Variants in SPINK2 observed in about 807,000 individuals in gnomAD.
SPINK2 encodes the protein serine protease inhibitor Kazal-type 2.
In SPINK2, 8 loss-of-function variants were observed where a neutral mutation model predicts 13.5. The observed-to-expected ratio is 0.59, with a 90% CI of 0.35 to 1.07. The LOEUF (loss-of-function observed/expected upper bound fraction) is 1.07, where lower values mean the gene tolerates loss of function less well. Ranked by LOEUF, SPINK2 falls within the 50% of genes least tolerant of loss-of-function variation. SPINK2 has a pLI of 0.02. For synonymous variants in SPINK2, 76 were observed against 74.7 expected (o/e 1.02, Z -0.09); for missense variants, 148 against 180.3 (o/e 0.82, Z 1.03).
intron 2 of SPINK2, among the ~76,000 whole-genome samples, chr4:56,816,326 G>A (rs1360865428): frequency 6.6e-6 from 1 of 151,930 alleles, no homozygotes; most frequent in East Asian, 1.9e-4. Flanking sequence ...GCTGGGATCA[G>A]CCTGGCCAAC....
Position 56,810,008 on chromosome 4 carries a change from C to A in SPINK2, c.*131G>T. The A allele has an allele frequency of 6.6e-7, 1 of 1,520,144 alleles. No individual in the cohort carries two copies. The highest frequency in any genetic ancestry group is 8.8e-7 in the Non-Finnish European group (1 of 1,139,526). The allele number at this position is 1,520,144 out of a possible 1,614,324, so 94.2% of individuals were successfully genotyped here. On this transcript the variant is annotated 3_prime_UTR_variant, in exon 4 of 4. Coordinates refer to ENST00000506738, the MANE Select transcript of SPINK2 (RefSeq NM_001271718.2). ...CACTACACATGGCTGTCTTCCATAC[C>A]TGCTCTCAGAAAATGTGTGTTAACA...
At chr4:56,811,644 G>T in intron 3 of SPINK2, 41 bp downstream of exon 3, 11 of 1,267,452 alleles carry the variant, frequency 8.7e-6, no homozygotes, top group Non-Finnish European at 1.0e-5. Flanking sequence ...AAAAAGAAAT[G>T]AAGAAAACTT....
Position 56,811,755 on chromosome 4 carries a change from G to A in SPINK2, c.289C>T (p.His97Tyr), listed in dbSNP as rs1716996699. ...TCACTGCCACACACAGGGTTAAAGT[G>A]TCTGGGACATCCTGGTAATCTATAC... is the stretch of plus-strand genomic sequence containing the variant. ...SQYRLPGCPR[H>Y]FNPVCGSDMS... The change falls in exon 3 of 4, where the codon CAC (histidine) becomes TAC (tyrosine). Residue 97 changes from histidine (H) to tyrosine (Y), a missense_variant. Transcript: ENST00000506738. The A allele has an allele frequency of 1.2e-6, 2 of 1,611,350 alleles. No individual in the cohort carries two copies. Among genetic ancestry groups the A allele is most frequent in the Admixed American group, 3.3e-5 (2 of 59,862 alleles).
intron 1 of SPINK2, 62 bp from the exon 2 acceptor site, chr4:56,820,641 GTTT>G: frequency 1.8e-5 from 19 of 1,075,390 alleles, no homozygotes; most frequent in East Asian, 5.8e-5. Flanking sequence ...TGTTCATGAA[GTTT>G]TTTTTTTTTT....
chr4:56,814,068 C>T (rs1219303332), intron 2 of SPINK2, among the ~76,000 whole-genome samples: 5 of 151,818 alleles, frequency 3.3e-5, no homozygotes, highest in African/African-American at 9.7e-5. Context: ...GGATTAAAGG[C>T]ACCCACCACC....
intron 2 of SPINK2, among the ~76,000 whole-genome samples, chr4:56,815,799 A>ACAC (rs1408194070): frequency 2.1e-5 from 2 of 96,636 alleles, no homozygotes; most frequent in East Asian, 4.1e-4. Flanking sequence ...CACACACACA[A>ACAC]AACTATTATT....
In SPINK2 at chr4:56,816,478, C is replaced by A. The variant is rs1451507714; in HGVS notation, c.249+4058G>T. Among the ~76,000 whole-genome samples the A allele has an allele frequency of 5.9e-5, 9 of 151,824 alleles. No homozygotes were observed. In the East Asian group the frequency reaches 1.7e-3, roughly 29 times the overall value. ...ACCAGCCTGGCCAACCTGGTGAAAC[C>A]CCGTCTCTACTAAAAATAGAAAAAT... On this transcript the variant is annotated intron_variant, in intron 2 of 3. Transcript: ENST00000506738.
At chr4:56,812,481 G>A (rs1717072529) in intron 2 of SPINK2, among the ~76,000 whole-genome samples, 1 of 149,508 alleles carries the variant, frequency 6.7e-6, no homozygotes, top group South Asian at 2.1e-4. Context: ...AATGAACCTG[G>A]GAGGCAGAGG....
Position 56,821,643 on chromosome 4 carries a change from C to T in SPINK2, c.20G>A (p.Arg7His), listed in dbSNP as rs753527533. Reference sequence around the variant, plus strand: ...AACTGCCAGGAGCAGCAGCGCCAAGCGCAGCACCGACAGCGCCATCCTCCT... The same window carrying T: ...AACTGCCAGGAGCAGCAGCGCCAAGTGCAGCACCGACAGCGCCATCCTCCT... MALSVL[R>H]LALLLLAVTF... The change falls in exon 1 of 4, where the codon CGC (arginine) becomes CAC (histidine). Residue 7 changes from arginine to histidine, a missense_variant. By Grantham distance (29) the Arg-to-His change is conservative. Transcript: ENST00000506738. 3.9e-6 allele frequency: 6 copies of T among 1,544,448 alleles called. No individual in the cohort carries two copies. Among genetic ancestry groups the T allele is most frequent in the African/African-American group, 1.4e-5 (1 of 72,582 alleles).
intron 1 of SPINK2, 112 bp from the exon 2 acceptor site, chr4:56,820,691 G>T: frequency 1.2e-6 from 1 of 854,984 alleles, no homozygotes. Context: ...GGCTGGTCTT[G>T]ACCTCCCGGG....
intron 3 of SPINK2, 153 bp from the exon 4 acceptor site, chr4:56,810,337 A>G: frequency 1.4e-6 from 1 of 709,506 alleles, no homozygotes; most frequent in Non-Finnish European, 2.3e-6. Flanking sequence ...AATCTAGGAA[A>G]CAAAGAGGGT....
chr4:56,819,605 C>CT (rs1405353419), intron 2 of SPINK2, among the ~76,000 whole-genome samples: 2 of 119,858 alleles, frequency 1.7e-5, no homozygotes, highest in Non-Finnish European at 3.3e-5. Context: ...ATGGCTAGGA[C>CT]TTTTTTTTCT....
At chr4:56,817,768 C>T (rs1242561937) in intron 2 of SPINK2, among the ~76,000 whole-genome samples, 2 of 151,788 alleles carry the variant, frequency 1.3e-5, no homozygotes, top group Admixed American at 1.3e-4. Flanking sequence ...GCAGGAGAAT[C>T]GCTTGAACTC....
chr4:56,821,414 C>G, intron 1 of SPINK2, 44 bp downstream of exon 1: 1 of 1,467,808 alleles, frequency 6.8e-7, no homozygotes, highest in Non-Finnish European at 9.0e-7. Context: ...GGGTGGCTGA[C>G]TCCACAAAGC....
chr4:56,819,953 C>T (rs531261198), intron 2 of SPINK2, among the ~76,000 whole-genome samples: 5 of 152,210 alleles, frequency 3.3e-5, no homozygotes, highest in South Asian at 4.1e-4. Flanking sequence ...TGACAGCTTC[C>T]GTAATTTCTG....
chr4:56,813,775 G>A (rs956718453), intron 2 of SPINK2, among the ~76,000 whole-genome samples: 2 of 151,658 alleles, frequency 1.3e-5, no homozygotes, highest in African/African-American at 2.4e-5. Context: ...ATGCCACCAC[G>A]ACCAGCTAAA....
At chr4:56,821,271 C>A (rs1051935041) in intron 1 of SPINK2, 187 bp downstream of exon 1, 1 of 982,250 alleles carries the variant, frequency 1.0e-6, no homozygotes, top group Admixed American at 6.1e-5. Context: ...TCCTGCACAT[C>A]TCCTCCCTTG....
In SPINK2 at chr4:56,820,499, G is replaced by C. The variant is rs771164772; in HGVS notation, c.249+37C>G. The C allele has an allele frequency of 6.4e-6, 10 of 1,566,782 alleles. No individual in the cohort carries two copies. In the South Asian group the frequency reaches 1.1e-4, roughly 17 times the overall value. On this transcript the variant is annotated intron_variant, in intron 2 of 3. Coordinates refer to ENST00000506738, the MANE Select transcript of SPINK2 (RefSeq NM_001271718.2). ...CTCCCAAACGGTTTTGGGCTTCACTGTATTAGTAGAAACAGTAGAAGTGGT... is the reference window on the plus strand; with the variant it reads ...CTCCCAAACGGTTTTGGGCTTCACTCTATTAGTAGAAACAGTAGAAGTGGT...
At position 56,810,183 on chromosome 4, in the gene SPINK2, C is replaced by A. The variant is rs1235603149; in HGVS notation, c.361G>T (p.Glu121Ter). ...NECTLCMKIR[E>*]GGHNIKIIRN... ...ATGATTTTAATATTATGACCACCTT[C>A]CCTGCAAATTGAACAATCATAGAAA... Residue 121 changes from glutamate (E) to a stop codon, truncating the protein, a stop_gained and splice_region_variant, in exon 4 of 4, where the codon GAA (glutamate) becomes TAA (stop). Coordinates refer to ENST00000506738, the MANE Select transcript of SPINK2 (RefSeq NM_001271718.2). LOFTEE classifies it high-confidence loss of function. 1 of 1,607,018 alleles carries A rather than the reference C, an allele frequency of 6.2e-7. No homozygotes were observed. The highest frequency in any genetic ancestry group is 8.5e-7 in the Non-Finnish European group (1 of 1,175,930).
Sources: gnomAD v4.1 joint callset for allele counts (sites outside exome capture counted in the v4.1 genomes callset) on GRCh38, gnomAD v4.1.1 for gene constraint, MANE v1.5 for transcripts, NCBI Gene and HGNC (gene_info 2026-07-23, HGNC 2026-07-21) for gene names.